Variants in TPTE observed in about 807,000 individuals in gnomAD.
The protein encoded by TPTE is transmembrane phosphatase with tensin homology, also known as putative tyrosine-protein phosphatase TPTE.
A neutral mutation model predicts 84.1 loss-of-function variants in TPTE; 59 were observed. That is an observed-to-expected ratio of 0.70 (90% confidence interval 0.57 to 0.87). The LOEUF (loss-of-function observed/expected upper bound fraction) is 0.87. Ranked by LOEUF, TPTE falls within the 40% of genes least tolerant of loss-of-function variation. The pLI, the probability that TPTE is intolerant of heterozygous loss-of-function variation, is 0.00. For synonymous variants in TPTE, 130 were observed against 223.5 expected (o/e 0.58, Z 3.73); for missense variants, 382 against 659.6 (o/e 0.58, Z 4.61).
intron 3 of TPTE, among the ~76,000 whole-genome samples, chr21:10,532,628 T>C (rs551561207): frequency 8.8e-4 from 134 of 152,348 alleles, no homozygotes; most frequent in African/African-American, 3.1e-3. Flanking sequence ...TTAATGCTTA[T>C]ATATTGGTAA....
chr21:10,585,764 T>A (rs2075352922), intron 17 of TPTE, among the ~76,000 whole-genome samples: 1 of 152,422 alleles, frequency 6.6e-6, no homozygotes, highest in East Asian at 1.9e-4. Context: ...ATGGCTCAAT[T>A]CCCTATATAG....
chr21:10,554,441 CT>C (rs1396564710), intron 8 of TPTE, among the ~76,000 whole-genome samples: 1 of 152,310 alleles, frequency 6.6e-6, no homozygotes, highest in African/African-American at 2.4e-5. Flanking sequence ...CATTTCTCCC[CT>C]CCCACACTTA....
chr21:10,545,358 T>C (rs1051627613), intron 7 of TPTE, among the ~76,000 whole-genome samples: 4 of 152,426 alleles, frequency 2.6e-5, no homozygotes, highest in East Asian at 1.9e-4. Flanking sequence ...AAAAATGATA[T>C]ATTAATAGTA....
At chr21:10,549,732 C>A (rs2074538241) in intron 7 of TPTE, among the ~76,000 whole-genome samples, 1 of 152,292 alleles carries the variant, frequency 6.6e-6, no homozygotes, top group Non-Finnish European at 1.5e-5. Flanking sequence ...ATGGGCATTC[C>A]AGAAGGAAAA....
intron 14 of TPTE, among the ~76,000 whole-genome samples, chr21:10,571,216 A>G (rs982516428): frequency 2.0e-5 from 3 of 152,304 alleles, no homozygotes; most frequent in African/African-American, 7.2e-5. Context: ...AACACTCACC[A>G]TCAGGCCACT....
intron 17 of TPTE, among the ~76,000 whole-genome samples, chr21:10,581,665 AATTAT>A: frequency 6.6e-6 from 1 of 152,422 alleles, no homozygotes; most frequent in African/African-American, 2.4e-5. Flanking sequence ...TTAGTATTGT[AATTAT>A]ATTCTCCCCA....
chr21:10,528,018 T>TAAAG (rs3049974), intron 3 of TPTE, among the ~76,000 whole-genome samples: 29,933 of 141,304 alleles, frequency 0.21, 63 homozygotes, highest in African/African-American at 0.47. Flanking sequence ...GGTTCAGTAA[T>TAAAG]AATTGTATTT....
intron 3 of TPTE, 148 bp downstream of exon 3, chr21:10,527,560 A>G (rs1473033626): frequency 6.5e-6 from 1 of 152,862 alleles, no homozygotes; most frequent in Non-Finnish European, 1.5e-5. Flanking sequence ...GATGCTTGGT[A>G]CTCAAAGATT....
intron 3 of TPTE, among the ~76,000 whole-genome samples, chr21:10,528,582 A>T (rs1271137064): frequency 1.3e-5 from 2 of 152,310 alleles, no homozygotes; most frequent in Admixed American, 1.3e-4. Context: ...CAGCAACCTT[A>T]CATAGAGCTT....
chr21:10,540,695 GCTA>G (rs746974260), intron 4 of TPTE: 1 of 519,258 alleles, frequency 1.9e-6, no homozygotes, highest in African/African-American at 1.9e-5. Flanking sequence ...GAGGCCTCCA[GCTA>G]CTTGGCCGCA....
chr21:10,599,494 T>C (rs1388410453), intron 21 of TPTE, among the ~76,000 whole-genome samples: 2 of 152,306 alleles, frequency 1.3e-5, no homozygotes, highest in Admixed American at 1.3e-4. Context: ...TCCTTATCTG[T>C]AAAATAAATA....
In TPTE at chr21:10,590,474, C is replaced by A. The variant is rs759901111; in HGVS notation, c.1040C>A (p.Thr347Asn). Residue 347 changes from threonine (T) to asparagine (N), a missense_variant, in exon 18 of 24, where the codon ACT becomes AAT. Around this residue, in one of 10 missense-constraint regions of TPTE, gnomAD observed 37 missense variants for 28.3 expected, o/e 1.31. Coordinates refer to ENST00000618007, the MANE Select transcript of TPTE (RefSeq NM_199261.4). ...HCKGGTDRTG[T>N]MVCAFLIASE... ...TTTTCTTTTCTAGATAGAACAGGAA[C>A]TATGGTTTGTGCCTTCCTTATTGCC... 1 of 1,614,124 alleles carries A rather than the reference C, an allele frequency of 6.2e-7. No individual in the cohort carries two copies. Among genetic ancestry groups the A allele is most frequent in the South Asian group, 1.1e-5 (1 of 91,082 alleles).
chr21:10,538,870 T>C, intron 4 of TPTE, 136 bp downstream of exon 4: 3 of 1,582,868 alleles, frequency 1.9e-6, no homozygotes, highest in Non-Finnish European at 2.6e-6. Flanking sequence ...CTCAAACACA[T>C]CCACTAACAA....
intron 4 of TPTE, among the ~76,000 whole-genome samples, chr21:10,540,510 T>A (rs1333928026): frequency 6.6e-6 from 1 of 152,304 alleles, no homozygotes; most frequent in Non-Finnish European, 1.5e-5. Flanking sequence ...GAGAAGCGAA[T>A]CCTGCTTGCA....
chr21:10,557,512 C>G (rs992580524), intron 8 of TPTE, among the ~76,000 whole-genome samples: 2 of 152,308 alleles, frequency 1.3e-5, no homozygotes, highest in Admixed American at 1.3e-4. Flanking sequence ...TTCCTTGATA[C>G]CCAGAGATCT....
At chr21:10,571,996 C>A (rs1220591483) in intron 14 of TPTE, among the ~76,000 whole-genome samples, 13 of 151,408 alleles carry the variant, frequency 8.6e-5, no homozygotes, top group African/African-American at 3.2e-4. Context: ...CAGAGTGATA[C>A]CCTGTCTCAA....
In TPTE at chr21:10,541,182, G is replaced by A; in HGVS notation, c.65+17G>A. Reference sequence around the variant, plus strand: ...CAATGACAGGTGAGTTATAAAAGATGTACACATGACCAGGTGCAATGGTTC... The same window carrying A: ...CAATGACAGGTGAGTTATAAAAGATATACACATGACCAGGTGCAATGGTTC... On this transcript the variant is annotated intron_variant, in intron 5 of 23. Coordinates refer to ENST00000618007, the MANE Select transcript of TPTE (RefSeq NM_199261.4). 1 of 1,612,378 alleles carries A rather than the reference G, an allele frequency of 6.2e-7. No homozygotes were observed. Among genetic ancestry groups the A allele is most frequent in the Non-Finnish European group, 8.5e-7 (1 of 1,178,702 alleles).
intron 22 of TPTE, among the ~76,000 whole-genome samples, chr21:10,603,152 T>C (rs1237442375): frequency 1.3e-5 from 2 of 152,310 alleles, no homozygotes; most frequent in African/African-American, 4.8e-5. Context: ...GAACCCCGCT[T>C]CTGATATCAG....
intron 21 of TPTE, among the ~76,000 whole-genome samples, chr21:10,599,831 GTTCT>G (rs1328895686): frequency 4.9e-5 from 7 of 142,672 alleles, no homozygotes; most frequent in Admixed American, 2.1e-4. Flanking sequence ...TAGTTAGTTG[GTTCT>G]TTCTTTCCTT....
Sources: allele counts gnomAD v4.1 joint callset (sites outside exome capture counted in the v4.1 genomes callset), GRCh38; gene constraint gnomAD v4.1.1; regional missense constraint gnomAD v4.1.1; transcripts MANE v1.5; gene names NCBI Gene and HGNC (gene_info 2026-07-23, HGNC 2026-07-21).